Variants in CARF observed in about 807,000 individuals in gnomAD.
The protein encoded by CARF is calcium responsive transcription factor.
In CARF, 57 loss-of-function variants were observed where a neutral mutation model predicts 82.0. That is an observed-to-expected ratio of 0.70 (90% CI 0.56 to 0.87). The LOEUF (loss-of-function observed/expected upper bound fraction) is 0.87. Ranked by LOEUF, CARF falls within the 40% of genes least tolerant of loss-of-function variation. The pLI is 0.00. For synonymous variants in CARF, 268 were observed against 290.1 expected, an observed-to-expected ratio of 0.92 and a Z score of 0.77; for missense variants, 771 against 855.8, an observed-to-expected ratio of 0.90 and a Z score of 1.24.
intron 8 of CARF, among the ~76,000 whole-genome samples, chr2:202,960,878 T>C (rs1321782913): frequency 1.3e-5 from 2 of 151,580 alleles, no homozygotes; most frequent in Non-Finnish European, 2.9e-5. Context: ...CCATAGGAAA[T>C]GAGTACTTTG....
chr2:202,982,123 G>GT lies in CARF; in HGVS notation c.1742dup (p.Ser582IlefsTer4). ...CTCTCCTGATGAATCACCAGCTGTG[G>GT]TATCAGTAAATAACCAGCCGTCCTC... On this transcript the variant is annotated frameshift_variant, in exon 16 of 17. Coordinates refer to ENST00000438828, the MANE Select transcript of CARF (RefSeq NM_024744.17). LOFTEE classifies it high-confidence loss of function. The GT allele has an allele frequency of 6.2e-7, 1 of 1,614,112 alleles. No individual in the cohort carries two copies. The highest frequency in any genetic ancestry group is 8.5e-7 in the Non-Finnish European group (1 of 1,179,964).
chr2:202,961,626 GAATA>G (rs1352362202), intron 9 of CARF, 200 bp downstream of exon 9: 3 of 551,298 alleles, frequency 5.4e-6, no homozygotes, highest in South Asian at 5.3e-5. Flanking sequence ...ATATATCAAT[GAATA>G]AATAAGACTT....
In CARF at chr2:202,977,271, T is replaced by A. The variant is rs1245772052; in HGVS notation, c.1497T>A (p.Leu499=). 1 of 1,606,756 alleles carries A rather than the reference T, an allele frequency of 6.2e-7. No homozygotes were observed. The highest frequency in any genetic ancestry group is 8.5e-7 in the Non-Finnish European group (1 of 1,176,418). Residue 499 remains leucine, a splice_region_variant and synonymous_variant, in exon 14 of 17, where the codon CTT becomes CTA. Transcript: ENST00000438828. ...VYNSEIIPAT[L]QWTTDSGNIL... is the part of the protein sequence containing the mutation. ...TGAAATAAATGTTCCCATTTCAGCT[T>A]CAATGGACTACAGACAGTGGGAATA...
Position 202,961,331 on chromosome 2 carries a change from G to C in CARF, c.737G>C (p.Gly246Ala). 1 of 1,614,144 alleles carries C rather than the reference G, an allele frequency of 6.2e-7. No homozygotes were observed. The highest frequency in any genetic ancestry group is 1.1e-5 in the South Asian group (1 of 91,082). Residue 246 changes from glycine (G) to alanine (A), a missense_variant, in exon 9 of 17, where the codon GGG (glycine) becomes GCG (alanine). By Grantham distance (60) the Gly-to-Ala change is moderately conservative (BLOSUM62 0). Transcript: ENST00000438828. ...AAGCAGCAAACACAGAGTGTTTGGG[G>C]GACCCGTCAGTCTCCAAGCCCAGCC... is the stretch of plus-strand genomic sequence containing the variant. ...FHKQQTQSVWGTRQSPSPAKP... is the reference protein window; with the variant it reads ...FHKQQTQSVWATRQSPSPAKP...
At chr2:202,937,847 A>G in intron 3 of CARF, among the ~76,000 whole-genome samples, 1 of 150,256 alleles carries the variant, frequency 6.7e-6, no homozygotes, top group Non-Finnish European at 1.5e-5. Flanking sequence ...CTGGTCTCAA[A>G]CTCCTGACCT....
rs2060402987 is a variant in CARF, at chr2:202,985,499, A to G, written c.*1875A>G. On this transcript the variant is annotated 3_prime_UTR_variant, in exon 17 of 17. Coordinates refer to ENST00000438828, the MANE Select transcript of CARF (RefSeq NM_024744.17). ...AATAAAAATTACTTTACTTTTTCCT[A>G]TGAATTTAAAACATTTGATGTTGGC... 1.3e-5 allele frequency: 2 copies of G among 152,244 alleles called. No homozygotes were observed. The highest frequency in any genetic ancestry group is 2.9e-5 in the Non-Finnish European group (2 of 67,986). The allele number at this position is 152,244 out of a possible 1,614,324, so 9.4% of individuals were successfully genotyped here. A position where few individuals can be genotyped will look rare whatever the true frequency, so the allele number is the denominator to read the frequency against.
chr2:202,932,729 A>G (rs1269312355), intron 3 of CARF, among the ~76,000 whole-genome samples: 1 of 152,014 alleles, frequency 6.6e-6, no homozygotes, highest in Non-Finnish European at 1.5e-5. Flanking sequence ...GGTGTAGGGA[A>G]CAGCATAGCA....
At chr2:202,968,130 A>G (rs940657063) in intron 10 of CARF, among the ~76,000 whole-genome samples, 1 of 152,132 alleles carries the variant, frequency 6.6e-6, no homozygotes, top group African/African-American at 2.4e-5. Flanking sequence ...TTGGCCGAGC[A>G]TGGTGGCTAA....
chr2:202,986,871 T>TAC lies in CARF; in HGVS notation c.*3248_*3249insCA, dbSNP rs2060445356. 2.4e-5 allele frequency: 1 copy of TAC among 41,490 alleles called. No homozygotes were observed. Among genetic ancestry groups the TAC allele is most frequent in the Non-Finnish European group, 5.3e-5 (1 of 18,996 alleles). The allele number at this position is 41,490 out of a possible 1,614,324, so 2.6% of individuals were successfully genotyped here. ...GAGGTTTAAAAAATGTCTGTGCGTA[T>TAC]ATATATATATATATATATATATATA... On this transcript the variant is annotated 3_prime_UTR_variant, in exon 17 of 17. Coordinates refer to ENST00000438828, the MANE Select transcript of CARF (RefSeq NM_024744.17).
At position 202,912,773 on chromosome 2, in the gene CARF, C is replaced by A. The variant is rs1688863794; in HGVS notation, c.-659C>A. The A allele has an allele frequency of 2.0e-5, 3 of 151,436 alleles. No individual in the cohort carries two copies. The South Asian group carries it at 6.2e-4, about 32-fold the overall frequency. The allele number at this position is 151,436 out of a possible 1,614,324, so 9.4% of individuals were successfully genotyped here. A position where few individuals can be genotyped will look rare whatever the true frequency, so the allele number is the denominator to read the frequency against. On this transcript the variant is annotated 5_prime_UTR_variant, in exon 1 of 17. Transcript: ENST00000438828. ...AGCCGGACCCCTTGGGCGGAGCGCC[C>A]AATGTGTGGTCCCTCACGCCGTCCC...
intron 5 of CARF, among the ~76,000 whole-genome samples, chr2:202,949,964 A>G (rs1315878714): frequency 6.6e-6 from 1 of 152,198 alleles, no homozygotes; most frequent in Non-Finnish European, 1.5e-5. Flanking sequence ...TATTAGAAAT[A>G]TTGTACACAA....
intron 5 of CARF, among the ~76,000 whole-genome samples, chr2:202,951,869 G>A (rs950551185): frequency 6.8e-6 from 1 of 146,316 alleles, no homozygotes; most frequent in Non-Finnish European, 1.5e-5. Flanking sequence ...GTCTCGCTCT[G>A]TCGCCCAGGC....
At chr2:202,972,835 TA>T (rs2059855227) in intron 12 of CARF, among the ~76,000 whole-genome samples, 1 of 152,200 alleles carries the variant, frequency 6.6e-6, no homozygotes, top group Admixed American at 6.5e-5. Context: ...AGCCCCCTCT[TA>T]AAGGCATGAA....
chr2:202,969,599 AAAT>A (rs2059699035), intron 10 of CARF, among the ~76,000 whole-genome samples: 1 of 150,112 alleles, frequency 6.7e-6, no homozygotes. Flanking sequence ...ATAAATAAAT[AAAT>A]AAATAAATAA....
chr2:202,986,561 T>C lies in CARF; in HGVS notation c.*2937T>C, dbSNP rs938281263. The C allele has an allele frequency of 6.6e-6, 1 of 152,070 alleles. No individual in the cohort carries two copies. Among genetic ancestry groups the C allele is most frequent in the Non-Finnish European group, 1.5e-5 (1 of 67,966 alleles). 9.4% of individuals were successfully genotyped at this position (152,070 alleles called of 1,614,324 possible). A position where few individuals can be genotyped will look rare whatever the true frequency, so the allele number is the denominator to read the frequency against. ...ACTTTATATATACTACAGTGAATTA[T>C]AGATAAATACAGCCATGGTGGACCT... On this transcript the variant is annotated 3_prime_UTR_variant, in exon 17 of 17. Transcript: ENST00000438828.
At chr2:202,960,695 T>TACCTTCCC (rs1559248135) in intron 8 of CARF, among the ~76,000 whole-genome samples, 5 of 151,362 alleles carry the variant, frequency 3.3e-5, no homozygotes, top group African/African-American at 1.2e-4. Context: ...CCTGCCTTCC[T>TACCTTCCC]GCCTTCCCAC....
intron 7 of CARF, 84 bp downstream of exon 7, chr2:202,954,218 T>C: frequency 1.4e-6 from 2 of 1,429,254 alleles, no homozygotes; most frequent in Non-Finnish European, 1.9e-6. Context: ...GCTGGCAGAC[T>C]ATAGAGAAAA....
rs761668274 is a variant in CARF, at chr2:202,952,612, T to A, written c.360T>A (p.Pro120=). 39 of 1,613,880 alleles carry A rather than the reference T, an allele frequency of 2.4e-5. No individual in the cohort carries two copies. Among genetic ancestry groups the A allele is most frequent in the Non-Finnish European group, 3.1e-5 (37 of 1,179,870 alleles). ...ENGQVLRVIP[P]TQTGMAQVII... ...GACAGGTACTTCGTGTAATTCCACC[T>A]ACCCAGACAGGAATGGCACAAGTGA... The change falls in exon 6 of 17, where the codon CCT becomes CCA. Residue 120 remains proline (P), a synonymous_variant. Transcript: ENST00000438828.
At chr2:202,958,249 A>ATGTGTGTGTGTGTGTGTGTGTGTG (rs71034206) in intron 8 of CARF, among the ~76,000 whole-genome samples, 27 of 139,928 alleles carry the variant, frequency 1.9e-4, no homozygotes, top group East Asian at 4.2e-4. Context: ...ATATACATAT[A>ATGTGTGTGTGTGTGTGTGTGTGTG]TGTGTGTGTG....
Sources: allele counts gnomAD v4.1 joint callset (sites outside exome capture counted in the v4.1 genomes callset), GRCh38; gene constraint gnomAD v4.1.1; transcripts MANE v1.5; gene names NCBI Gene and HGNC (gene_info 2026-07-23, HGNC 2026-07-21).